The following C2orf92 variants were observed in gnomAD, a reference collection of about 807,000 sequenced individuals.
The protein encoded by C2orf92 is chromosome 2 open reading frame 92, also known as uncharacterized protein C2orf92.
At chr2:97,700,730 GT>G (rs34110454) in intron 6 of C2orf92, among the ~76,000 whole-genome samples, 4 of 145,880 alleles carry the variant, frequency 2.7e-5, no homozygotes, top group Non-Finnish European at 4.5e-5. Context: ...AAGGTTTTTT[GT>G]TTTTTTTTTT....
intron 5 of C2orf92, among the ~76,000 whole-genome samples, chr2:97,696,129 C>T (rs544273378): frequency 9.9e-5 from 15 of 152,150 alleles, no homozygotes; most frequent in Non-Finnish European, 1.8e-4. Flanking sequence ...TCAATCTAAT[C>T]GGTAAATAAC....
At chr2:97,681,106 C>G (rs1377154077) in intron 3 of C2orf92, among the ~76,000 whole-genome samples, 6 of 11,968 alleles carry the variant, frequency 5.0e-4, no homozygotes, top group Non-Finnish European at 1.2e-3. Flanking sequence ...GACTCCATCT[C>G]AAAAAAAAAA....
chr2:97,680,984 A>G (rs1234546270), intron 3 of C2orf92, among the ~76,000 whole-genome samples: 1 of 149,536 alleles, frequency 6.7e-6, no homozygotes, highest in Non-Finnish European at 1.5e-5. Flanking sequence ...GCATGCGCCT[A>G]TAGTCCCAGC....
At position 97,678,807 on chromosome 2, in the gene C2orf92, T is replaced by TAA. The variant is rs58050567; in HGVS notation, c.232+2899_232+2900dup. Among the ~76,000 whole-genome samples the TAA allele has an allele frequency of 7.1e-3, 780 of 110,156 alleles. 18 individuals carry two copies. In the East Asian group the frequency reaches 0.075, roughly 11 times the overall value. The allele number at this position is 110,156 out of a possible 152,430, so 72.3% of individuals were successfully genotyped here. ...CAATACGGCAAAACCCTGTTTCTAC[T>TAA]AAAAAAAAAAAAAAAAAAAAATTAG... On this transcript the variant is annotated intron_variant, in intron 3 of 7. Coordinates refer to ENST00000627399, the MANE Select transcript of C2orf92 (RefSeq NM_001351368.2).
At chr2:97,675,095 AGGAAG>A (rs1675533827) in intron 2 of C2orf92, among the ~76,000 whole-genome samples, 2 of 152,204 alleles carry the variant, frequency 1.3e-5, no homozygotes, top group Non-Finnish European at 2.9e-5. Context: ...CAATGCTGAG[AGGAAG>A]CAGCTGGCCA....
intron 1 of C2orf92, chr2:97,664,623 C>T (rs1410037785): frequency 6.6e-6 from 1 of 151,600 alleles, no homozygotes; most frequent in African/African-American, 2.4e-5. Context: ...TTGCCGATGT[C>T]GACTATATTG....
At chr2:97,664,030 C>A (rs1675115072), upstream of C2orf92, 2 of 384,602 alleles carry the variant, frequency 5.2e-6, no homozygotes, top group East Asian at 1.0e-4. Context: ...CTACGCGAGC[C>A]CCGCGGGGCT....
At chr2:97,698,000 G>C (rs76182820) in intron 5 of C2orf92, 2,116 of 152,210 alleles carry the variant, frequency 0.014, 14 homozygotes, top group Non-Finnish European at 0.015. Context: ...ACAAGGCCAA[G>C]GAAGATTTAC....
intron 3 of C2orf92, among the ~76,000 whole-genome samples, chr2:97,683,205 A>G (rs1402657591): frequency 6.6e-6 from 1 of 152,162 alleles, no homozygotes; most frequent in East Asian, 1.9e-4. Flanking sequence ...CACTAACGAT[A>G]TATACACTAA....
chr2:97,691,823 G>A (rs1676148080), intron 5 of C2orf92, among the ~76,000 whole-genome samples: 3 of 152,164 alleles, frequency 2.0e-5, no homozygotes, highest in Admixed American at 2.0e-4. Flanking sequence ...AGGAGGCAGA[G>A]GTTGCAGCGA....
chr2:97,665,554 C>T (rs775870906), upstream of C2orf92, among the ~76,000 whole-genome samples: 2 of 151,908 alleles, frequency 1.3e-5, no homozygotes, highest in African/African-American at 2.4e-5. Context: ...TTAAACTCTT[C>T]TTATAGAGGG....
rs1422015759 is a variant in C2orf92, at chr2:97,688,948, G to A, written c.286G>A (p.Glu96Lys). 2 of 398,430 alleles carry A rather than the reference G, an allele frequency of 5.0e-6. No homozygotes were observed. Among genetic ancestry groups the A allele is most frequent in the African/African-American group, 2.1e-5 (1 of 48,600 alleles). The allele number at this position is 398,430 out of a possible 1,614,324, so 24.7% of individuals were successfully genotyped here. Residue 96 changes from glutamate to lysine, a missense_variant, in exon 4 of 8, where the codon GAA becomes AAA. Coordinates refer to ENST00000627399, the MANE Select transcript of C2orf92 (RefSeq NM_001351368.2). ...GTTTCCGTATGACCCATCATTTAACGAAGCAACAGCAGTCAGATCCATTAC... is the reference window on the plus strand; with the variant it reads ...GTTTCCGTATGACCCATCATTTAACAAAGCAACAGCAGTCAGATCCATTAC... ...PKFPYDPSFN[E>K]ATAVRSITKT...
chr2:97,683,115 A>ACACACACAC (rs1185190319), intron 3 of C2orf92, among the ~76,000 whole-genome samples: 5 of 70,916 alleles, frequency 7.1e-5, no homozygotes, highest in Non-Finnish European at 1.3e-4. Flanking sequence ...CACACACACA[A>ACACACACAC]ACATATTAAA....
chr2:97,681,097 A>AC (rs1205114326), intron 3 of C2orf92, among the ~76,000 whole-genome samples: 1 of 124,546 alleles, frequency 8.0e-6, no homozygotes, highest in Non-Finnish European at 1.6e-5. Flanking sequence ...ACAGAGCGAG[A>AC]CTCCATCTCA....
At chr2:97,665,733 CTCTCTATATATATATATATATATATA>C (rs1196403872), upstream of C2orf92, 7 of 19,790 alleles carry the variant, frequency 3.5e-4, no homozygotes, top group South Asian at 1.1e-3. Context: ...CTCTCTCTCT[CTCTCTATATATATATATATATATATA>C]TATATATATA....
intron 5 of C2orf92, among the ~76,000 whole-genome samples, chr2:97,697,679 A>T (rs144598850): frequency 2.6e-5 from 4 of 152,204 alleles, no homozygotes; most frequent in African/African-American, 9.6e-5. Context: ...CACCCACATG[A>T]TGGTCTTAAT....
intron 2 of C2orf92, 47 bp downstream of exon 2, chr2:97,674,604 C>G (rs1675516223): frequency 2.5e-6 from 1 of 398,232 alleles, no homozygotes; most frequent in South Asian, 1.3e-4. Context: ...CTCTACAGAC[C>G]TCTGTGTTAT....
intron 3 of C2orf92, among the ~76,000 whole-genome samples, chr2:97,680,968 A>T (rs564089593): frequency 6.8e-6 from 1 of 147,236 alleles, no homozygotes; most frequent in Non-Finnish European, 1.5e-5. Context: ...TTAGCTGGGC[A>T]TGGTGGCATG....
chr2:97,692,607 A>G (rs973912114), intron 5 of C2orf92, among the ~76,000 whole-genome samples: 1 of 152,022 alleles, frequency 6.6e-6, no homozygotes, highest in African/African-American at 2.4e-5. Flanking sequence ...ACAGGGTTTC[A>G]CCATGTTGGC....
Sources: allele counts gnomAD v4.1 joint callset (sites outside exome capture counted in the v4.1 genomes callset), GRCh38; gene constraint gnomAD v4.1.1; transcripts MANE v1.5; gene names NCBI Gene and HGNC (gene_info 2026-07-23, HGNC 2026-07-21).